ITGA4: variants seen among roughly 807,000 people sequenced by gnomAD.
ITGA4 encodes the protein integrin alpha-4.
A neutral mutation model predicts 133.6 loss-of-function variants in ITGA4; 63 were observed. The ratio of observed to expected loss-of-function variants is 0.47; its 90% CI spans 0.38 to 0.58. The LOEUF is 0.58. Ranked by LOEUF, ITGA4 falls within the 20% of genes least tolerant of loss-of-function variation. ITGA4 has a pLI of 0.00. For synonymous variants in ITGA4, 483 were observed against 438.0 expected, an observed-to-expected ratio of 1.10 and a Z score of -1.28; for missense variants, 1,076 against 1,252.7, an observed-to-expected ratio of 0.86 and a Z score of 2.13.
At position 181,536,592 on chromosome 2, in the gene ITGA4, A is replaced by G. The variant is rs1246258896; in HGVS notation, c.*1065A>G. On this transcript the variant is annotated 3_prime_UTR_variant, in exon 28 of 28. Coordinates refer to ENST00000397033, the MANE Select transcript of ITGA4 (RefSeq NM_000885.6). ...ACATGGAAACGAAGAAACAAAATTC[A>G]TAAATTTAAATTCATAAATTTAGCT... 1 of 157,002 alleles carries G rather than the reference A, an allele frequency of 6.4e-6. No homozygotes were observed. The highest frequency in any genetic ancestry group is 2.9e-5 in the African/African-American group (1 of 34,674). 9.7% of individuals were successfully genotyped at this position (157,002 alleles called of 1,614,324 possible).
Position 181,537,195 on chromosome 2 carries a change from A to G in ITGA4, c.*1668A>G, listed in dbSNP as rs1423506411. 2.2e-6 allele frequency: 1 copy of G among 453,958 alleles called. No individual in the cohort carries two copies. Among genetic ancestry groups the G allele is most frequent in the Admixed American group, 2.4e-5 (1 of 42,542 alleles). The allele number at this position is 453,958 out of a possible 1,614,324, so 28.1% of individuals were successfully genotyped here. On this transcript the variant is annotated 3_prime_UTR_variant, in exon 28 of 28. Coordinates refer to ENST00000397033, the MANE Select transcript of ITGA4 (RefSeq NM_000885.6). ...GAACATCTAGGATCATAGATGAAAA[A>G]TCAAGCCCCGATTTAGAACTGTCTT...
At position 181,536,554 on chromosome 2, in the gene ITGA4, T is replaced by C. The variant is rs990598762; in HGVS notation, c.*1027T>C. On this transcript the variant is annotated 3_prime_UTR_variant, in exon 28 of 28. Coordinates refer to ENST00000397033, the MANE Select transcript of ITGA4 (RefSeq NM_000885.6). ...AATTCTTTGTTACCCTTTACAAGTATAAGTGTTACCTTACATGGAAACGAA... is the reference window on the plus strand; with the variant it reads ...AATTCTTTGTTACCCTTTACAAGTACAAGTGTTACCTTACATGGAAACGAA... 1 of 168,436 alleles carries C rather than the reference T, an allele frequency of 5.9e-6. No homozygotes were observed. 10.4% of individuals were successfully genotyped at this position (168,436 alleles called of 1,614,324 possible).
intron 15 of ITGA4, 56 bp downstream of exon 15, chr2:181,498,833 G>C: frequency 1.3e-6 from 2 of 1,515,676 alleles, no homozygotes; most frequent in Non-Finnish European, 1.8e-6. Flanking sequence ...TGTTGATAGA[G>C]AGCAACTTAT....
chr2:181,526,858 G>A (rs1184433331), intron 21 of ITGA4, among the ~76,000 whole-genome samples: 1 of 17,012 alleles, frequency 5.9e-5, no homozygotes, highest in Non-Finnish European at 2.4e-4. Flanking sequence ...TTTTTTAAGA[G>A]TCTCGCTCTA....
chr2:181,491,622 CA>C (rs1686049909), intron 10 of ITGA4, among the ~76,000 whole-genome samples: 1 of 152,058 alleles, frequency 6.6e-6, no homozygotes, highest in Non-Finnish European at 1.5e-5. Context: ...TATGAAGAAT[CA>C]ATATATAGGA....
chr2:181,496,818 A>G (rs1686167397), intron 14 of ITGA4, among the ~76,000 whole-genome samples: 2 of 152,206 alleles, frequency 1.3e-5, no homozygotes, highest in Admixed American at 6.6e-5. Context: ...ATCCCCTATT[A>G]GGACCTGTCA....
intron 7 of ITGA4, 33 bp downstream of exon 7, chr2:181,481,716 C>A: frequency 9.1e-7 from 1 of 1,093,808 alleles, no homozygotes; most frequent in Non-Finnish European, 1.4e-6. Context: ...TATTTCTTCA[C>A]AAAGGTTCAA....
chr2:181,521,836 A>C, intron 17 of ITGA4, among the ~76,000 whole-genome samples: 1 of 152,218 alleles, frequency 6.6e-6, no homozygotes, highest in South Asian at 2.1e-4. Flanking sequence ...GCTTGCAAGA[A>C]AGAAAAGAAA....
chr2:181,501,210 T>A (rs1686261328), intron 15 of ITGA4, among the ~76,000 whole-genome samples: 1 of 152,156 alleles, frequency 6.6e-6, no homozygotes, highest in African/African-American at 2.4e-5. Flanking sequence ...GAATGTGCAT[T>A]TCTGCAAAGT....
At chr2:181,527,521 G>T in intron 22 of ITGA4, 134 bp downstream of exon 22, 1 of 614,502 alleles carries the variant, frequency 1.6e-6, no homozygotes. Context: ...TGGGGCAGCA[G>T]CAGTGGTACT....
At chr2:181,504,371 C>A (rs973376251) in intron 15 of ITGA4, among the ~76,000 whole-genome samples, 1 of 151,858 alleles carries the variant, frequency 6.6e-6, no homozygotes, top group Admixed American at 6.6e-5. Flanking sequence ...CATCTTTTTT[C>A]CATAGTAGTT....
intron 2 of ITGA4, among the ~76,000 whole-genome samples, chr2:181,468,555 C>T (rs1484625217): frequency 6.6e-6 from 1 of 152,152 alleles, no homozygotes; most frequent in Non-Finnish European, 1.5e-5. Flanking sequence ...AATATCTAAT[C>T]TCCCATAGTC....
intron 15 of ITGA4, among the ~76,000 whole-genome samples, chr2:181,506,822 T>C (rs900202289): frequency 6.6e-5 from 10 of 152,224 alleles, no homozygotes; most frequent in Admixed American, 2.0e-4. Context: ...GTTTAAGCCA[T>C]ATTGCAATCC....
At chr2:181,463,208 A>G (rs1240467817) in intron 2 of ITGA4, among the ~76,000 whole-genome samples, 1 of 152,208 alleles carries the variant, frequency 6.6e-6, no homozygotes, top group Non-Finnish European at 1.5e-5. Flanking sequence ...AAAATTGTGT[A>G]CAGTTGCACT....
At chr2:181,517,610 G>C (rs1004505708) in intron 17 of ITGA4, among the ~76,000 whole-genome samples, 1 of 152,034 alleles carries the variant, frequency 6.6e-6, no homozygotes, top group South Asian at 2.1e-4. Context: ...TGTGCACCTG[G>C]TTCTTTATTA....
At chr2:181,465,180 C>T (rs920098960) in intron 2 of ITGA4, among the ~76,000 whole-genome samples, 20 of 152,004 alleles carry the variant, frequency 1.3e-4, no homozygotes, top group South Asian at 4.1e-4. Flanking sequence ...TGTTTTCTTG[C>T]GGAAGTTTTC....
chr2:181,467,655 G>C (rs1261967975), intron 2 of ITGA4, among the ~76,000 whole-genome samples: 2 of 152,104 alleles, frequency 1.3e-5, no homozygotes, highest in Admixed American at 6.5e-5. Context: ...TGTACAGTCT[G>C]TGGGCATATT....
At chr2:181,534,499 A>G (rs1687013561) in intron 26 of ITGA4, 129 bp downstream of exon 26, 1 of 668,388 alleles carries the variant, frequency 1.5e-6, no homozygotes, top group African/African-American at 1.8e-5. Context: ...AGGGCCCCCA[A>G]TACTTGGTTG....
At chr2:181,482,295 G>C (rs1249761282) in intron 7 of ITGA4, 65 bp from the exon 8 acceptor site, 2 of 1,439,148 alleles carry the variant, frequency 1.4e-6, no homozygotes, top group Admixed American at 5.0e-5. Context: ...TGATCAAACA[G>C]AAAGGAGTGG....
Sources: gnomAD v4.1 joint callset for allele counts (sites outside exome capture counted in the v4.1 genomes callset) on GRCh38, gnomAD v4.1.1 for gene constraint, MANE v1.5 for transcripts, NCBI Gene and HGNC (gene_info 2026-07-23, HGNC 2026-07-21) for gene names.